Variants in ARHGAP26 observed in about 807,000 individuals in gnomAD.
ARHGAP26 encodes rho GTPase-activating protein 26.
Under a neutral mutation model 104.8 loss-of-function variants are expected in ARHGAP26, and 38 were observed. That is an observed-to-expected ratio of 0.36 (90% CI 0.28 to 0.48). ARHGAP26 has a LOEUF of 0.48. Among genes scored for constraint, ARHGAP26 ranks in the 20% least tolerant of loss-of-function variants. The pLI is 0.99. For missense variants in ARHGAP26, 704 were observed against 947.9 expected (o/e 0.74, Z 3.38); for synonymous variants, 341 against 340.0 (o/e 1.00, Z -0.03).
intron 17 of ARHGAP26, among the ~76,000 whole-genome samples, chr5:143,067,016 C>CCCCCTCCCCCTCCTCTG (rs1159507641): frequency 2.0e-4 from 31 of 151,584 alleles, no homozygotes; most frequent in African/African-American, 6.8e-4. Context: ...GAGGTTACCT[C>CCCCCTCCCCCTCCTCTG]CCCCTCCCCC....
chr5:143,221,319 G>T (rs1197418053), intron 22 of ARHGAP26, among the ~76,000 whole-genome samples: 1 of 150,878 alleles, frequency 6.6e-6, no homozygotes, highest in Admixed American at 6.6e-5. Context: ...TTTCAAACTG[G>T]TATATAGAGG....
At chr5:143,208,718 C>T (rs1205867227) in intron 21 of ARHGAP26, among the ~76,000 whole-genome samples, 2 of 152,304 alleles carry the variant, frequency 1.3e-5, no homozygotes, top group African/African-American at 4.8e-5. Context: ...TTTGAGTTTC[C>T]GTGCAGCTCC....
rs555515190 is a variant in ARHGAP26 at position 142,992,357 on chromosome 5, T to A, written c.1108-21723T>A. 6.6e-5 allele frequency among the ~76,000 whole-genome samples: 10 copies of A among 152,260 alleles called. No individual in the cohort carries two copies. In the East Asian group the frequency reaches 1.9e-3, roughly 29 times the overall value. ...CTTAACACTATTGAATAATTAACTA[T>A]TTCACAACTGATTCGAAAGGCTCCA... is the stretch of plus-strand genomic sequence containing the variant. On this transcript the variant is annotated intron_variant, in intron 11 of 22. Transcript: ENST00000645722.
At chr5:142,923,857 C>CTTTT (rs11389284) in intron 10 of ARHGAP26, among the ~76,000 whole-genome samples, 61 of 105,876 alleles carry the variant, frequency 5.8e-4, no homozygotes, top group East Asian at 1.5e-3. Flanking sequence ...GGATCAGATC[C>CTTTT]TTTTTTTTTT....
chr5:143,028,619 A>T (rs961564258), intron 12 of ARHGAP26, among the ~76,000 whole-genome samples: 1 of 152,222 alleles, frequency 6.6e-6, no homozygotes, highest in Admixed American at 6.5e-5. Flanking sequence ...CAGTTGCTAT[A>T]CATTTCATTT....
chr5:143,043,539 G>T (rs1186199345), intron 14 of ARHGAP26, among the ~76,000 whole-genome samples: 1 of 152,118 alleles, frequency 6.6e-6, no homozygotes, highest in African/African-American at 2.4e-5. Flanking sequence ...GCATATATTT[G>T]TTCCTCTGGG....
intron 1 of ARHGAP26, among the ~76,000 whole-genome samples, chr5:142,774,867 T>C (rs140903672): frequency 6.6e-6 from 1 of 152,300 alleles, no homozygotes; most frequent in Non-Finnish European, 1.5e-5. Flanking sequence ...TTTTTTCACT[T>C]AGCAATGTGT....
rs565157089 is a variant in ARHGAP26, at chr5:142,862,640, G to A, written c.155-10760G>A. On this transcript the variant is annotated intron_variant, in intron 1 of 22. Transcript: ENST00000645722. ...CAAGTTCTGGGTTCTGTCTGGGTGC[G>A]TGGGCCCTGACTGTGTGAACCTGGA... is the stretch of plus-strand genomic sequence containing the variant. Among the ~76,000 whole-genome samples the A allele has an allele frequency of 6.6e-5, 10 of 152,270 alleles. No homozygotes were observed. The South Asian group carries it at 1.2e-3, about 19-fold the overall frequency.
intron 13 of ARHGAP26, 94 bp from the exon 14 acceptor site, chr5:143,041,722 G>A (rs373084284): frequency 2.5e-4 from 158 of 642,920 alleles, no homozygotes; most frequent in African/African-American, 4.0e-4. Context: ...CTGAGAAAAT[G>A]AAAAAAAAAA....
chr5:142,932,123 C>T lies in ARHGAP26; in HGVS notation c.1105C>T (p.Pro369Ser). ...GATGGAAGCCATGGATGGCCGGGAACCTGTAAGTAACAATTCAGGGAAGTA... is the reference window on the plus strand; with the variant it reads ...GATGGAAGCCATGGATGGCCGGGAATCTGTAAGTAACAATTCAGGGAAGTA... ...LWMEAMDGRE[P>S]VYNSNKDSQS... Residue 369 changes from proline to serine, a missense_variant and splice_region_variant, in exon 11 of 23, where the codon CCT becomes TCT. Transcript: ENST00000645722. 6.2e-7 allele frequency: 1 copy of T among 1,613,964 alleles called. No individual in the cohort carries two copies. Among genetic ancestry groups the T allele is most frequent in the Non-Finnish European group, 8.5e-7 (1 of 1,179,844 alleles).
intron 1 of ARHGAP26, among the ~76,000 whole-genome samples, chr5:142,852,840 G>A (rs1284225323): frequency 1.3e-5 from 2 of 152,214 alleles, no homozygotes; most frequent in African/African-American, 2.4e-5. Flanking sequence ...TAGAAGCCTT[G>A]TGTGTCGCTC....
chr5:142,976,124 A>G (rs1342532361), intron 11 of ARHGAP26, among the ~76,000 whole-genome samples: 1 of 152,154 alleles, frequency 6.6e-6, no homozygotes, highest in Non-Finnish European at 1.5e-5. Context: ...CCTAACACCC[A>G]AGTAAAGATA....
intron 17 of ARHGAP26, among the ~76,000 whole-genome samples, chr5:143,118,873 G>A (rs571868309): frequency 6.6e-6 from 1 of 151,490 alleles, no homozygotes; most frequent in South Asian, 2.1e-4. Flanking sequence ...ACACCAGCAT[G>A]GCACATGTAT....
rs1160004311 is a variant in ARHGAP26 at position 142,871,217 on chromosome 5, TCA to T, written c.155-2181_155-2180del. Among the ~76,000 whole-genome samples the T allele has an allele frequency of 1.3e-5, 2 of 152,144 alleles. No individual in the cohort carries two copies. The highest frequency in any genetic ancestry group is 1.3e-4 in the Admixed American group (2 of 15,274). On this transcript the variant is annotated intron_variant, in intron 1 of 22. Coordinates refer to ENST00000645722, the MANE Select transcript of ARHGAP26 (RefSeq NM_001135608.3). The surrounding 1 kb of genome is among the most constrained non-coding windows in gnomAD (Gnocchi z 4.1). ...TGTGCCAGTGGACAAGGAAATCAGGTCACCTGCTGGTCATAAGCTAACAGGCC... is the reference window on the plus strand; with the variant it reads ...TGTGCCAGTGGACAAGGAAATCAGGTCCTGCTGGTCATAAGCTAACAGGCC...
intron 14 of ARHGAP26, among the ~76,000 whole-genome samples, chr5:143,048,562 A>G (rs1434509989): frequency 6.6e-6 from 1 of 151,286 alleles, no homozygotes; most frequent in East Asian, 2.0e-4. Context: ...TGACTGGCCT[A>G]TTTTAAATTT....
chr5:142,850,521 G>C (rs1751308690), intron 1 of ARHGAP26, among the ~76,000 whole-genome samples: 1 of 152,212 alleles, frequency 6.6e-6, no homozygotes, highest in Admixed American at 6.5e-5. Context: ...TTAGGAGTCA[G>C]ACCTATACTT....
chr5:143,157,660 A>G (rs1182910654), intron 20 of ARHGAP26, among the ~76,000 whole-genome samples: 4 of 152,182 alleles, frequency 2.6e-5, no homozygotes, highest in Non-Finnish European at 4.4e-5. Flanking sequence ...TCGACATTCT[A>G]CTTTTGAGGG....
At chr5:143,017,648 C>G (rs565531090) in intron 12 of ARHGAP26, among the ~76,000 whole-genome samples, 8 of 152,108 alleles carry the variant, frequency 5.3e-5, no homozygotes, top group Non-Finnish European at 7.3e-5. Flanking sequence ...TTATTTCTTA[C>G]TTTGTGCCCT....
At chr5:143,141,194 A>G (rs887703068) in intron 19 of ARHGAP26, among the ~76,000 whole-genome samples, 4 of 152,256 alleles carry the variant, frequency 2.6e-5, no homozygotes, top group Non-Finnish European at 5.9e-5. Context: ...TAATGTGGCT[A>G]TTAAAAAATG....
Sources: allele counts gnomAD v4.1 joint callset (sites outside exome capture counted in the v4.1 genomes callset), GRCh38; gene constraint gnomAD v4.1.1; non-coding constraint Gnocchi (gnomAD v3.1); transcripts MANE v1.5; gene names NCBI Gene and HGNC (gene_info 2026-07-23, HGNC 2026-07-21).